Variants in ERCC6 observed in about 807,000 individuals in gnomAD.
ERCC6 encodes ERCC excision repair 6, chromatin remodeling factor.
A neutral mutation model predicts 158.7 loss-of-function variants in ERCC6; 116 were observed. That is an observed-to-expected ratio of 0.73 (90% CI 0.63 to 0.85). The LOEUF is 0.85. Among genes scored for constraint, ERCC6 ranks in the 40% least tolerant of loss-of-function variants. The pLI, the probability that ERCC6 is intolerant of heterozygous loss-of-function variation, is 0.00. For synonymous variants in ERCC6, 678 were observed against 659.3 expected (o/e 1.03, Z -0.43); for missense variants, 1,698 against 1,799.4 (o/e 0.94, Z 1.02).
At chr10:49,470,130 T>C in intron 18 of ERCC6, 52 bp downstream of exon 18, 1 of 1,515,526 alleles carries the variant, frequency 6.6e-7, no homozygotes, top group Non-Finnish European at 9.2e-7. Context: ...AGAAACAGCC[T>C]ACTCATTTTC....
downstream of ERCC6, among the ~76,000 whole-genome samples, chr10:49,449,560 CTTTTTTTTTTTTTT>C (rs71026248): frequency 1.5e-5 from 1 of 68,024 alleles, no homozygotes; most frequent in Non-Finnish European, 2.5e-5. Flanking sequence ...ATAGTTAGGT[CTTTTTTTTTTTTTT>C]TTTTTTTTTT....
At chr10:49,530,583 A>T in intron 3 of ERCC6, 137 bp downstream of exon 3, 1 of 1,414,290 alleles carries the variant, frequency 7.1e-7, no homozygotes, top group South Asian at 1.3e-5. Context: ...CATACAAAAG[A>T]AACCCAAAAT....
rs1364611478 is a variant in ERCC6, at chr10:49,460,012, C to T, written c.4062+361G>A. The T allele has an allele frequency of 5.4e-5, 19 of 354,216 alleles. No homozygotes were observed. In the Admixed American group the frequency reaches 7.9e-4, roughly 15 times the overall value. 21.9% of individuals were successfully genotyped at this position (354,216 alleles called of 1,614,324 possible). A position where few individuals can be genotyped will look rare whatever the true frequency, so the allele number is the denominator to read the frequency against. On this transcript the variant is annotated intron_variant, in intron 20 of 20. Coordinates refer to ENST00000355832, the MANE Select transcript of ERCC6 (RefSeq NM_000124.4). ...CTAGCAGCCAGTGAGTTACAGACAC[C>T]AACATTCAAGGCAGTTTTCTGGACT...
intron 8 of ERCC6, among the ~76,000 whole-genome samples, chr10:49,491,340 A>G (rs1446541908): frequency 6.6e-6 from 1 of 152,228 alleles, no homozygotes; most frequent in Non-Finnish European, 1.5e-5. Context: ...TTTATAATGG[A>G]AAAGGAACAG....
intron 6 of ERCC6, chr10:49,501,668 T>TC (rs1564430565): frequency 2.0e-5 from 3 of 152,042 alleles, no homozygotes; most frequent in Non-Finnish European, 4.4e-5. Context: ...AATTAAAAGA[T>TC]GATAGGTTAG....
At position 49,476,209 on chromosome 10, in the gene ERCC6, G is replaced by C. The variant is rs776186015; in HGVS notation, c.2382+6C>G. 6.3e-7 allele frequency: 1 copy of C among 1,599,586 alleles called. No homozygotes were observed. The highest frequency in any genetic ancestry group is 2.2e-5 in the East Asian group (1 of 44,776). On this transcript the variant is annotated splice_donor_region_variant and intron_variant, in intron 12 of 20. Coordinates refer to ENST00000355832, the MANE Select transcript of ERCC6 (RefSeq NM_000124.4). Reference sequence around the variant, plus strand: ...TCATTTCTCCAGCTTCTATTTTTTAGCTGACCTGCATCTCTCCATTGAGAA... The same window carrying C: ...TCATTTCTCCAGCTTCTATTTTTTACCTGACCTGCATCTCTCCATTGAGAA...
At chr10:49,517,447 T>A (rs1405134395) in intron 5 of ERCC6, among the ~76,000 whole-genome samples, 1 of 152,120 alleles carries the variant, frequency 6.6e-6, no homozygotes, top group Non-Finnish European at 1.5e-5. Flanking sequence ...ACATGTACCC[T>A]CAGGAGGCAG....
intron 6 of ERCC6, 174 bp downstream of exon 6, chr10:49,505,710 C>T: frequency 1.5e-6 from 1 of 687,936 alleles, no homozygotes; most frequent in Non-Finnish European, 2.4e-6. Context: ...TTATTATCAT[C>T]CAATTTTAAT....
At position 49,528,375 on chromosome 10, in the gene ERCC6, A is replaced by G. The variant is rs369622311; in HGVS notation, c.652+42T>C. On this transcript the variant is annotated intron_variant, in intron 4 of 20. Transcript: ENST00000355832. Reference sequence around the variant, plus strand: ...CCTCCACTGACTACAGGCATCAGGCATCAATTCAAGAACACAGAGAAACTG... The same window carrying G: ...CCTCCACTGACTACAGGCATCAGGCGTCAATTCAAGAACACAGAGAAACTG... The G allele has an allele frequency of 1.4e-5, 23 of 1,608,216 alleles. No individual in the cohort carries two copies. The African/African-American group carries it at 2.0e-4, about 14-fold the overall frequency.
Position 49,471,835 on chromosome 10 carries a change from G to A in ERCC6, c.2924+541C>T, listed in dbSNP as rs116249338. 3.7e-3 allele frequency among the ~76,000 whole-genome samples: 567 copies of A among 152,296 alleles called. 6 individuals carry two copies. The highest frequency in any genetic ancestry group is 0.013 in the African/African-American group (549 of 41,554). On this transcript the variant is annotated intron_variant, in intron 16 of 20. Coordinates refer to ENST00000355832, the MANE Select transcript of ERCC6 (RefSeq NM_000124.4). Reference sequence around the variant, plus strand: ...GGCTCAAGGATAAAGTCTGTGGTGGGGGAGTGGGAGAAGCTGGCAATGTCT... The same window carrying A: ...GGCTCAAGGATAAAGTCTGTGGTGGAGGAGTGGGAGAAGCTGGCAATGTCT...
At position 49,483,509 on chromosome 10, in the gene ERCC6, A is replaced by T; in HGVS notation, c.1829T>A (p.Leu610Gln). 6.2e-7 allele frequency: 1 copy of T among 1,614,104 alleles called. No homozygotes were observed. Among genetic ancestry groups the T allele is most frequent in the Non-Finnish European group, 8.5e-7 (1 of 1,180,000 alleles). ...TGSYTHKKEK[L>Q]IRDVAHCHGI... ...ATGACAATGAGCAACATCTCGAATT[A>T]GTTTCTCCTGAGACCACAATAAAAT... Residue 610 changes from leucine (L) to glutamine (Q), a missense_variant, in exon 9 of 21, where the codon CTA (leucine) becomes CAA (glutamine). Leu to Gln is a moderately radical substitution (Grantham distance 113, BLOSUM62 -2). Coordinates refer to ENST00000355832, the MANE Select transcript of ERCC6 (RefSeq NM_000124.4).
intron 7 of ERCC6, among the ~76,000 whole-genome samples, chr10:49,499,614 C>A (rs1851322960): frequency 6.6e-6 from 1 of 152,188 alleles, no homozygotes; most frequent in Non-Finnish European, 1.5e-5. Context: ...TACTGAAACA[C>A]AAGGAGCTCG....
intron 18 of ERCC6, among the ~76,000 whole-genome samples, chr10:49,468,991 A>T (rs1850725309): frequency 1.3e-5 from 2 of 152,208 alleles, no homozygotes; most frequent in African/African-American, 4.8e-5. Context: ...TGGAAAAAAA[A>T]AGAATCCATT....
the ERCC6 span, among the ~76,000 whole-genome samples, chr10:49,446,441 G>A: frequency 6.6e-6 from 1 of 152,204 alleles, no homozygotes; most frequent in African/African-American, 2.4e-5. Context: ...GCTTAGAGGG[G>A]AGGAAGAAAC....
At chr10:49,527,894 A>C (rs2132630355) in intron 4 of ERCC6, among the ~76,000 whole-genome samples, 1 of 152,344 alleles carries the variant, frequency 6.6e-6, no homozygotes, top group East Asian at 1.9e-4. Flanking sequence ...AAGATAATTT[A>C]GTTCCAGAGC....
chr10:49,464,944 G>C (rs911512674), intron 18 of ERCC6, among the ~76,000 whole-genome samples: 1 of 152,240 alleles, frequency 6.6e-6, no homozygotes, highest in Non-Finnish European at 1.5e-5. Context: ...TGTTGGGTTG[G>C]AGTCCCCACA....
At position 49,532,645 on chromosome 10, in the gene ERCC6, T is replaced by C; in HGVS notation, c.320A>G (p.Gln107Arg). 2 of 1,614,214 alleles carry C rather than the reference T, an allele frequency of 1.2e-6. No individual in the cohort carries two copies. Reference protein sequence around the residue: ...VDVYDQDVLEQGVLQQVDNAI... With the variant: ...VDVYDQDVLERGVLQQVDNAI... Reference sequence around the variant, plus strand: ...ATTGTCCACCTGCTGAAGCACTCCCTGTTCCAGCACGTCCTGGTCATAGAC... The same window carrying C: ...ATTGTCCACCTGCTGAAGCACTCCCCGTTCCAGCACGTCCTGGTCATAGAC... Residue 107 changes from glutamine to arginine, a missense_variant, in exon 2 of 21, where the codon CAG becomes CGG. Coordinates refer to ENST00000355832, the MANE Select transcript of ERCC6 (RefSeq NM_000124.4).
intron 5 of ERCC6, among the ~76,000 whole-genome samples, chr10:49,506,829 A>G (rs1311044631): frequency 6.6e-6 from 1 of 152,028 alleles, no homozygotes; most frequent in Non-Finnish European, 1.5e-5. Flanking sequence ...AAAGCCTCAA[A>G]TTCTATTCAC....
the ERCC6 span, among the ~76,000 whole-genome samples, chr10:49,447,266 C>T: frequency 6.6e-6 from 1 of 152,132 alleles, no homozygotes; most frequent in Non-Finnish European, 1.5e-5. Flanking sequence ...ATATTGAACA[C>T]CTGAAGATAT....
Sources: gnomAD v4.1 joint callset for allele counts (sites outside exome capture counted in the v4.1 genomes callset) on GRCh38, gnomAD v4.1.1 for gene constraint, MANE v1.5 for transcripts, NCBI Gene and HGNC (gene_info 2026-07-23, HGNC 2026-07-21) for gene names.